C1orf115: variants seen among roughly 807,000 people sequenced by gnomAD.
C1orf115 encodes chromosome 1 open reading frame 115, also known as required for drug-induced death protein 1.
In C1orf115, 14 loss-of-function variants were observed where a neutral mutation model predicts 12.5. That is an observed-to-expected ratio of 1.12 (90% CI 0.74 to 1.75). The LOEUF (loss-of-function observed/expected upper bound fraction) is 1.75, where lower values mean the gene tolerates loss of function less well. Ranked by LOEUF, C1orf115 falls within the 40% of genes most tolerant of loss-of-function variation. C1orf115 has a pLI of 0.00. For missense variants in C1orf115, 237 were observed against 220.8 expected (o/e 1.07, Z -0.46); for synonymous variants, 109 against 104.6 (o/e 1.04, Z -0.26).
chr1:220,693,387 C>T (rs1490153797), intron 1 of C1orf115, among the ~76,000 whole-genome samples: 4 of 152,210 alleles, frequency 2.6e-5, no homozygotes, highest in Non-Finnish European at 4.4e-5. Context: ...TTAATGCAGG[C>T]GATTGTCATT....
Position 220,690,607 on chromosome 1 carries a change from G to T in C1orf115, c.205G>T (p.Val69Leu). 6.5e-7 allele frequency: 1 copy of T among 1,535,454 alleles called. No homozygotes were observed. Among genetic ancestry groups the T allele is most frequent in the Admixed American group, 2.0e-5 (1 of 49,402 alleles). The change falls in exon 1 of 2, where the codon GTG becomes TTG. Residue 69 changes from valine to leucine, a missense_variant. Val to Leu is a conservative substitution (Grantham distance 32, BLOSUM62 1). Coordinates refer to ENST00000294889, the MANE Select transcript of C1orf115 (RefSeq NM_024709.5). ...RGPGTRGARR[V>L]HFALLPERYE... is the part of the protein sequence containing the mutation. Reference sequence around the variant, plus strand: ...CCCGGGGACCCGGGGCGCGCGGAGGGTGCACTTCGCCCTCCTGCCCGAGCG... The same window carrying T: ...CCCGGGGACCCGGGGCGCGCGGAGGTTGCACTTCGCCCTCCTGCCCGAGCG...
Position 220,690,656 on chromosome 1 carries a change from C to A in C1orf115, c.254C>A (p.Ala85Glu). Residue 85 changes from alanine to glutamate, a missense_variant, in exon 1 of 2, where the codon GCG becomes GAG. Physicochemically the swap from Ala to Glu is moderately radical, Grantham distance 107 (BLOSUM62 -1). Coordinates refer to ENST00000294889, the MANE Select transcript of C1orf115 (RefSeq NM_024709.5). ...CGCTACGAGCCACTGGAGGAGCCGG[C>A]GCCGAGCGAGCAGCCCAGGAAGAGG... is the stretch of plus-strand genomic sequence containing the variant. ...PERYEPLEEP[A>E]PSEQPRKRYR... 6.3e-7 allele frequency: 1 copy of A among 1,591,878 alleles called. No individual in the cohort carries two copies. The highest frequency in any genetic ancestry group is 8.5e-7 in the Non-Finnish European group (1 of 1,170,816).
At chr1:220,690,835 C>CCCGCT in intron 1 of C1orf115, 124 bp downstream of exon 1, 1 of 1,163,854 alleles carries the variant, frequency 8.6e-7, no homozygotes, top group Non-Finnish European at 1.2e-6. Flanking sequence ...CCCCTCCGCC[C>CCCGCT]CCGCTCCCAT....
chr1:220,696,733 G>A lies in C1orf115; in HGVS notation c.*2G>A. 2 of 1,581,186 alleles carry A rather than the reference G, an allele frequency of 1.3e-6. No individual in the cohort carries two copies. The highest frequency in any genetic ancestry group is 1.7e-6 in the Non-Finnish European group (2 of 1,153,556). ...AGCGTGGTATCCTTCGTGCGCTAATGGGAGCTGCTGTGGCAGGTGCCCCCA... is the reference window on the plus strand; with the variant it reads ...AGCGTGGTATCCTTCGTGCGCTAATAGGAGCTGCTGTGGCAGGTGCCCCCA... On this transcript the variant is annotated 3_prime_UTR_variant, in exon 2 of 2. Transcript: ENST00000294889.
chr1:220,694,749 C>T (rs111747119), intron 1 of C1orf115, among the ~76,000 whole-genome samples: 6,650 of 152,042 alleles, frequency 0.044, 207 homozygotes, highest in Non-Finnish European at 0.068. Flanking sequence ...TCTCAAGTAA[C>T]GAATTGAATA....
chr1:220,698,731 C>A lies in C1orf115; in HGVS notation c.*2000C>A. Reference sequence around the variant, plus strand: ...GAATCTGTCCCAGGAAGAGCTTCCCCACTCCCATCCCCCAAATTGGAAAAA... The same window carrying A: ...GAATCTGTCCCAGGAAGAGCTTCCCAACTCCCATCCCCCAAATTGGAAAAA... On this transcript the variant is annotated 3_prime_UTR_variant, in exon 2 of 2. Transcript: ENST00000294889. 6.6e-6 allele frequency: 1 copy of A among 152,358 alleles called. No homozygotes were observed. The highest frequency in any genetic ancestry group is 1.5e-5 in the Non-Finnish European group (1 of 68,098). 9.4% of individuals were successfully genotyped at this position (152,358 alleles called of 1,614,324 possible). A position where few individuals can be genotyped will look rare whatever the true frequency, so the allele number is the denominator to read the frequency against.
chr1:220,696,127 G>A (rs1002046191), intron 1 of C1orf115, among the ~76,000 whole-genome samples: 19 of 152,222 alleles, frequency 1.2e-4, no homozygotes, highest in Middle Eastern at 3.4e-3. Context: ...GACTACAAAA[G>A]GACAGATGTG....
In C1orf115 at chr1:220,690,591, C is replaced by G; in HGVS notation, c.189C>G (p.Thr63=). The G allele has an allele frequency of 6.6e-7, 1 of 1,515,376 alleles. No individual in the cohort carries two copies. The highest frequency in any genetic ancestry group is 8.8e-7 in the Non-Finnish European group (1 of 1,134,186). The allele number at this position is 1,515,376 out of a possible 1,614,324, so 93.9% of individuals were successfully genotyped here. The change falls in exon 1 of 2, where the codon ACC becomes ACG. Residue 63 remains threonine (T), a synonymous_variant. Coordinates refer to ENST00000294889, the MANE Select transcript of C1orf115 (RefSeq NM_024709.5). ...TSAADERGPG[T]RGARRVHFAL... ...CGGCGGACGAGCGGGGCCCGGGGAC[C>G]CGGGGCGCGCGGAGGGTGCACTTCG...
chr1:220,690,858 G>C (rs1670092357), intron 1 of C1orf115, 147 bp downstream of exon 1: 8 of 1,021,704 alleles, frequency 7.8e-6, no homozygotes, highest in Non-Finnish European at 1.1e-5. Flanking sequence ...CCTCGCCGGA[G>C]GGAAGCCGCG....
Position 220,696,732 on chromosome 1 carries a change from T to G in C1orf115, c.*1T>G. ...CAGCGTGGTATCCTTCGTGCGCTAA[T>G]GGGAGCTGCTGTGGCAGGTGCCCCC... On this transcript the variant is annotated 3_prime_UTR_variant, in exon 2 of 2. Coordinates refer to ENST00000294889, the MANE Select transcript of C1orf115 (RefSeq NM_024709.5). 6.3e-7 allele frequency: 1 copy of G among 1,581,494 alleles called. No homozygotes were observed. Among genetic ancestry groups the G allele is most frequent in the Non-Finnish European group, 8.7e-7 (1 of 1,153,730 alleles).
At chr1:220,692,749 A>G (rs1670131768) in intron 1 of C1orf115, among the ~76,000 whole-genome samples, 4 of 152,216 alleles carry the variant, frequency 2.6e-5, no homozygotes, top group Admixed American at 2.6e-4. Context: ...AACAATGTAA[A>G]TGTACTAAAT....
intron 1 of C1orf115, among the ~76,000 whole-genome samples, chr1:220,696,066 G>T (rs1013494248): frequency 7.2e-5 from 11 of 152,168 alleles, no homozygotes; most frequent in Admixed American, 2.0e-4. Flanking sequence ...GCTTATAATG[G>T]TATTGGAAAT....
In C1orf115 at chr1:220,690,677, A is replaced by G; in HGVS notation, c.275A>G (p.Lys92Arg). 4 of 1,596,680 alleles carry G rather than the reference A, an allele frequency of 2.5e-6. No homozygotes were observed. The highest frequency in any genetic ancestry group is 3.4e-6 in the Non-Finnish European group (4 of 1,172,880). The change falls in exon 1 of 2, where the codon AAG (lysine) becomes AGG (arginine). Residue 92 changes from lysine to arginine, a missense_variant. Transcript: ENST00000294889. ...CCGGCGCCGAGCGAGCAGCCCAGGAAGAGGTACCGGAGGAAGCTGAAGAAG... is the reference window on the plus strand; with the variant it reads ...CCGGCGCCGAGCGAGCAGCCCAGGAGGAGGTACCGGAGGAAGCTGAAGAAG... Reference protein sequence around the residue: ...EEPAPSEQPRKRYRRKLKKYG... With the variant: ...EEPAPSEQPRRRYRRKLKKYG...
chr1:220,694,317 C>T (rs1182725412), intron 1 of C1orf115, among the ~76,000 whole-genome samples: 1 of 152,186 alleles, frequency 6.6e-6, no homozygotes, highest in Non-Finnish European at 1.5e-5. Context: ...GCTTTGCTTA[C>T]ATGATCTCAT....
intron 1 of C1orf115, among the ~76,000 whole-genome samples, chr1:220,694,911 G>A (rs1292362927): frequency 6.6e-6 from 1 of 152,184 alleles, no homozygotes; most frequent in Non-Finnish European, 1.5e-5. Context: ...TTTAAAGTCT[G>A]GTAGAAGGGA....
At chr1:220,695,041 A>C (rs1572269022) in intron 1 of C1orf115, among the ~76,000 whole-genome samples, 1 of 152,204 alleles carries the variant, frequency 6.6e-6, no homozygotes, top group East Asian at 1.9e-4. Flanking sequence ...CTGAGAGGTC[A>C]GGGAGAGAAA....
At chr1:220,695,528 G>T (rs766094637) in intron 1 of C1orf115, among the ~76,000 whole-genome samples, 42 of 141,050 alleles carry the variant, frequency 3.0e-4, no homozygotes, top group Non-Finnish European at 4.8e-4. Context: ...TGTGAAAGGT[G>T]AAGTGGGATC....
At chr1:220,693,893 A>G (rs1670148400) in intron 1 of C1orf115, among the ~76,000 whole-genome samples, 1 of 152,066 alleles carries the variant, frequency 6.6e-6, no homozygotes, top group Non-Finnish European at 1.5e-5. Flanking sequence ...AGACTGACGA[A>G]CATGGTGAAC....
chr1:220,690,584 C>G lies in C1orf115; in HGVS notation c.182C>G (p.Pro61Arg). 6.6e-7 allele frequency: 1 copy of G among 1,508,384 alleles called. No individual in the cohort carries two copies. Among genetic ancestry groups the G allele is most frequent in the Non-Finnish European group, 8.8e-7 (1 of 1,131,180 alleles). The allele number at this position is 1,508,384 out of a possible 1,614,324, so 93.4% of individuals were successfully genotyped here. ...SGTSAADERGPGTRGARRVHF... is the reference protein window; with the variant it reads ...SGTSAADERGRGTRGARRVHF... Reference sequence around the variant, plus strand: ...ACGAGCGCGGCGGACGAGCGGGGCCCGGGGACCCGGGGCGCGCGGAGGGTG... The same window carrying G: ...ACGAGCGCGGCGGACGAGCGGGGCCGGGGGACCCGGGGCGCGCGGAGGGTG... The change falls in exon 1 of 2, where the codon CCG becomes CGG. Residue 61 changes from proline to arginine, a missense_variant. Pro to Arg is a moderately radical substitution (Grantham distance 103). Coordinates refer to ENST00000294889, the MANE Select transcript of C1orf115 (RefSeq NM_024709.5).
Sources: allele counts gnomAD v4.1 joint callset (sites outside exome capture counted in the v4.1 genomes callset), GRCh38; gene constraint gnomAD v4.1.1; transcripts MANE v1.5; gene names NCBI Gene and HGNC (gene_info 2026-07-23, HGNC 2026-07-21).